The following GLCCI1 variants were observed in gnomAD, a reference collection of about 807,000 sequenced individuals.
GLCCI1 encodes glucocorticoid induced 1, also known as glucocorticoid-induced transcript 1 protein.
A neutral mutation model predicts 52.2 loss-of-function variants in GLCCI1; 24 were observed. The ratio of observed to expected loss-of-function variants is 0.46; its 90% CI spans 0.33 to 0.65. The LOEUF is 0.65. GLCCI1 is among the 30% of genes least tolerant of loss of function. GLCCI1 has a pLI of 0.02. For synonymous variants in GLCCI1, 310 were observed against 276.5 expected (o/e 1.12, Z -1.20); for missense variants, 704 against 701.5 (o/e 1.00, Z -0.04).
chr7:8,014,988 T>A (rs1275837368), intron 2 of GLCCI1, among the ~76,000 whole-genome samples: 1 of 152,186 alleles, frequency 6.6e-6, no homozygotes, highest in African/African-American at 2.4e-5. Flanking sequence ...TAGACTTCAG[T>A]CTATGGAGTT....
chr7:8,011,234 C>G (rs564349330), intron 2 of GLCCI1, among the ~76,000 whole-genome samples: 1 of 152,266 alleles, frequency 6.6e-6, no homozygotes, highest in South Asian at 2.1e-4. Flanking sequence ...ACCATTATCT[C>G]CATCCATGTC....
chr7:8,088,831 G>A lies in GLCCI1; in HGVS notation c.*2293G>A, dbSNP rs529471168. On this transcript the variant is annotated 3_prime_UTR_variant, in exon 8 of 8. Coordinates refer to ENST00000223145, the MANE Select transcript of GLCCI1 (RefSeq NM_138426.4). ...TTGAACCAAATGTGTTAAAGCTTAC[G>A]CTTTGCCATGTAAATTTCCCAGAAG... is the stretch of plus-strand genomic sequence containing the variant. The A allele has an allele frequency of 1.1e-4, 17 of 152,718 alleles. No homozygotes were observed. The highest frequency in any genetic ancestry group is 2.2e-4 in the African/African-American group (9 of 41,566). 9.5% of individuals were successfully genotyped at this position (152,718 alleles called of 1,614,324 possible).
chr7:7,989,964 T>C (rs1017867105), intron 1 of GLCCI1, among the ~76,000 whole-genome samples: 4 of 152,110 alleles, frequency 2.6e-5, no homozygotes, highest in Non-Finnish European at 5.9e-5. Flanking sequence ...GCTCCGAACA[T>C]GCGTAGTTCA....
intron 5 of GLCCI1, among the ~76,000 whole-genome samples, chr7:8,062,927 C>T (rs954940888): frequency 1.3e-5 from 2 of 152,200 alleles, no homozygotes; most frequent in Non-Finnish European, 2.9e-5. Flanking sequence ...CTGTCATGAA[C>T]ATATGCGTGC....
chr7:8,047,506 AAAGAC>A (rs1251208855), intron 3 of GLCCI1, among the ~76,000 whole-genome samples: 1 of 152,228 alleles, frequency 6.6e-6, no homozygotes, highest in African/African-American at 2.4e-5. Flanking sequence ...AGGTAAAAAC[AAAGAC>A]AAGTACATGC....
intron 1 of GLCCI1, among the ~76,000 whole-genome samples, chr7:7,974,984 T>A (rs1166557036): frequency 1.3e-5 from 2 of 152,204 alleles, no homozygotes; most frequent in African/African-American, 4.8e-5. Context: ...GTTGAAAATA[T>A]CTAACTTCTG....
At chr7:8,074,948 A>G (rs1263632074) in intron 6 of GLCCI1, among the ~76,000 whole-genome samples, 3 of 152,150 alleles carry the variant, frequency 2.0e-5, no homozygotes, top group Non-Finnish European at 2.9e-5. Flanking sequence ...CTGGATAGAC[A>G]TGGAGGGGAG....
chr7:8,016,285 T>C (rs552495177), intron 2 of GLCCI1, among the ~76,000 whole-genome samples: 2 of 152,174 alleles, frequency 1.3e-5, no homozygotes, highest in South Asian at 4.2e-4. Context: ...CTGGCTAACA[T>C]GGTGAAACCC....
intron 2 of GLCCI1, among the ~76,000 whole-genome samples, chr7:8,010,597 A>AT (rs1265436298): frequency 6.6e-6 from 1 of 152,216 alleles, no homozygotes. Flanking sequence ...CAGGTTATGT[A>AT]TTTTTGGGTT....
chr7:8,074,253 A>G (rs1782827001), intron 6 of GLCCI1, among the ~76,000 whole-genome samples: 1 of 138,908 alleles, frequency 7.2e-6, no homozygotes, highest in Admixed American at 7.4e-5. Flanking sequence ...ATACACTATT[A>G]TACAGTGATG....
chr7:8,074,913 A>G (rs1289789513), intron 6 of GLCCI1, among the ~76,000 whole-genome samples: 1 of 152,162 alleles, frequency 6.6e-6, no homozygotes, highest in Non-Finnish European at 1.5e-5. Context: ...GTGGTAGAGT[A>G]ACTAGTTCAG....
At chr7:8,000,882 A>G (rs964122670) in intron 1 of GLCCI1, among the ~76,000 whole-genome samples, 9 of 151,648 alleles carry the variant, frequency 5.9e-5, no homozygotes, top group African/African-American at 2.2e-4. Flanking sequence ...TTTGCTTTCC[A>G]TTTGCTTGGT....
At chr7:7,985,914 C>A (rs1780717338) in intron 1 of GLCCI1, among the ~76,000 whole-genome samples, 1 of 152,136 alleles carries the variant, frequency 6.6e-6, no homozygotes, top group Non-Finnish European at 1.5e-5. Context: ...TTGAAACAAG[C>A]ATTGAAAAGT....
Position 7,981,258 on chromosome 7 carries a change from C to T in GLCCI1, c.457+11451C>T, listed in dbSNP as rs797011053. The T allele has an allele frequency of 8.5e-3, 2,087 of 246,514 alleles. 41 individuals are homozygous for T. Among genetic ancestry groups the T allele is most frequent in the African/African-American group, 0.048 (1,957 of 40,976 alleles). 15.3% of individuals were successfully genotyped at this position (246,514 alleles called of 1,614,324 possible). ...CTGTTATTTCTTTCTTTCTTTCTTT[C>T]TCTTTTTTTCTTTCTTTCTTTCTTT... On this transcript the variant is annotated intron_variant, in intron 1 of 7. Coordinates refer to ENST00000223145, the MANE Select transcript of GLCCI1 (RefSeq NM_138426.4).
intron 1 of GLCCI1, among the ~76,000 whole-genome samples, chr7:7,999,625 C>G (rs1781013589): frequency 6.6e-6 from 1 of 151,552 alleles, no homozygotes; most frequent in Non-Finnish European, 1.5e-5. Context: ...AAGAACAAGG[C>G]TGGGAGTGGT....
At chr7:8,040,131 G>A (rs1307585781) in intron 3 of GLCCI1, among the ~76,000 whole-genome samples, 1 of 151,972 alleles carries the variant, frequency 6.6e-6, no homozygotes, top group Admixed American at 6.6e-5. Flanking sequence ...TGTATGAATG[G>A]CAGATGACCA....
intron 2 of GLCCI1, among the ~76,000 whole-genome samples, chr7:8,013,704 A>G (rs1781316921): frequency 6.6e-6 from 1 of 152,174 alleles, no homozygotes. Context: ...TATTGGAACA[A>G]CACATTTCTT....
chr7:8,051,177 C>A (rs562383881), intron 3 of GLCCI1, among the ~76,000 whole-genome samples: 1 of 152,260 alleles, frequency 6.6e-6, no homozygotes, highest in African/African-American at 2.4e-5. Context: ...GCATAAATTT[C>A]TATTATAGGA....
chr7:7,971,576 ACAT>A (rs1265547002), intron 1 of GLCCI1, among the ~76,000 whole-genome samples: 2 of 152,206 alleles, frequency 1.3e-5, no homozygotes, highest in Non-Finnish European at 2.9e-5. Context: ...TGCTGCAACA[ACAT>A]AATGGCCATC....
Sources: allele counts gnomAD v4.1 joint callset (sites outside exome capture counted in the v4.1 genomes callset), GRCh38; gene constraint gnomAD v4.1.1; transcripts MANE v1.5; gene names NCBI Gene and HGNC (gene_info 2026-07-23, HGNC 2026-07-21).